Variants in NBEAL2 observed in about 807,000 individuals in gnomAD.
NBEAL2 encodes the protein neurobeachin-like protein 2.
Under a neutral mutation model 299.8 loss-of-function variants are expected in NBEAL2, and 160 were observed. The observed-to-expected ratio is 0.53, with a 90% CI of 0.47 to 0.61. The LOEUF (loss-of-function observed/expected upper bound fraction) is 0.61. NBEAL2 is among the 20% of genes least tolerant of loss of function. NBEAL2 has a pLI of 0.00. For synonymous variants in NBEAL2, 1,493 were observed against 1,542.3 expected, an observed-to-expected ratio of 0.97 and a Z score of 0.75; for missense variants, 3,112 against 3,649.0, an observed-to-expected ratio of 0.85 and a Z score of 3.79.
At chr3:46,994,649 T>G in intron 12 of NBEAL2, 96 bp downstream of exon 12, 1 of 1,064,926 alleles carries the variant, frequency 9.4e-7, no homozygotes, top group Admixed American at 2.1e-5. Context: ...GGGACCGTAT[T>G]GACTGCGGCC....
At position 47,006,071 on chromosome 3, in the gene NBEAL2, G is replaced by T; in HGVS notation, c.6919+8G>T. On this transcript the variant is annotated splice_region_variant and intron_variant, in intron 43 of 53. Transcript: ENST00000450053. ...ATTACTGCACCTATGAGGGTGGGCA[G>T]TGCGCTGGACTCCAGTCAGGGCCAG... 1.8e-5 allele frequency: 29 copies of T among 1,613,476 alleles called. No homozygotes were observed. Among genetic ancestry groups the T allele is most frequent in the Non-Finnish European group, 2.4e-5 (28 of 1,179,632 alleles).
rs781400910 is a variant in NBEAL2, at chr3:47,004,100, C to A, written c.5905C>A (p.Pro1969Thr). 3 of 1,612,946 alleles carry A rather than the reference C, an allele frequency of 1.9e-6. No homozygotes were observed. The East Asian group carries it at 6.7e-5, about 36-fold the overall frequency. ...EEGIGYDFRR[P>T]LAQLREVHLR... ...AGGCATCGGCTATGATTTCCGGCGC[C>A]CACTGGCCCAGCTGCGTGAGGTCCA... The change falls in exon 37 of 54, where the codon CCA (proline) becomes ACA (threonine). Residue 1969 changes from proline (P) to threonine (T), a missense_variant. Transcript: ENST00000450053. This position sits in a 1 kb window ranked among gnomAD's most constrained non-coding sequence, Gnocchi z 5.0.
In NBEAL2 at chr3:46,995,138, G is replaced by A. The variant is rs566591113; in HGVS notation, c.1403G>A (p.Arg468Gln). 9.6e-5 allele frequency: 151 copies of A among 1,575,610 alleles called. 1 individual carries two copies. In the Admixed American group the frequency reaches 1.2e-3, roughly 12 times the overall value. Residue 468 changes from arginine to glutamine, a missense_variant, in exon 13 of 54, where the codon CGG (arginine) becomes CAG (glutamine). By Grantham distance (43) the Arg-to-Gln change is conservative. Around this residue, in one of 3 missense-constraint regions of NBEAL2, gnomAD observed 2,243 missense variants for 2,538.1 expected, o/e 0.88. Coordinates refer to ENST00000450053, the MANE Select transcript of NBEAL2 (RefSeq NM_015175.3). Reference sequence around the variant, plus strand: ...CCGTCATTGCCCACCGCTGAGCTGCGGCTCTTCCTAGCGCAACGCCTCAGG... The same window carrying A: ...CCGTCATTGCCCACCGCTGAGCTGCAGCTCTTCCTAGCGCAACGCCTCAGG... The part of the protein sequence containing the change: ...WLPSLPTAEL[R>Q]LFLAQRLRWL...
intron 21 of NBEAL2, 75 bp downstream of exon 21, chr3:46,998,301 G>T: frequency 6.5e-7 from 1 of 1,547,864 alleles, no homozygotes; most frequent in Non-Finnish European, 8.8e-7. Context: ...CTGCTCTGGG[G>T]GATCTGAGGG....
rs918389336 is a variant in NBEAL2, at chr3:46,988,147, G to A, written c.52-522G>A. On this transcript the variant is annotated intron_variant, in intron 1 of 53. Coordinates refer to ENST00000450053, the MANE Select transcript of NBEAL2 (RefSeq NM_015175.3). This position sits in a 1 kb window ranked among gnomAD's most constrained non-coding sequence, Gnocchi z 4.4. ...CGCACATGAGGATGTGCGCATGTCT[G>A]GGTCTGCCTGTCTAATGGTACACGT... 9.6e-7 allele frequency: 1 copy of A among 1,042,694 alleles called. No individual in the cohort carries two copies. The highest frequency in any genetic ancestry group is 1.7e-5 in the African/African-American group (1 of 57,972). The allele number at this position is 1,042,694 out of a possible 1,614,324, so 64.6% of individuals were successfully genotyped here.
rs766130331 is a variant in NBEAL2 at position 47,009,203 on chromosome 3, C to A, written c.8164-16C>A. 1.3e-6 allele frequency: 2 copies of A among 1,583,040 alleles called. No homozygotes were observed. Among genetic ancestry groups the A allele is most frequent in the African/African-American group, 2.7e-5 (2 of 74,168 alleles). ...GGCGATCCCAGCTGATCCTACTCAA[C>A]CCTTACGCCCACCAGGTGCGCAGCA... On this transcript the variant is annotated splice_polypyrimidine_tract_variant and intron_variant, in intron 53 of 53. Transcript: ENST00000450053.
intron 21 of NBEAL2, 43 bp from the exon 22 acceptor site, chr3:46,998,420 A>G (rs1345006104): frequency 6.3e-7 from 1 of 1,576,086 alleles, no homozygotes; most frequent in South Asian, 1.1e-5. Context: ...TGAAGGGCCC[A>G]GCTCAGCCTA....
chr3:46,980,563 T>C (rs2035256850), intron 1 of NBEAL2, among the ~76,000 whole-genome samples: 2 of 152,084 alleles, frequency 1.3e-5, no homozygotes, highest in African/African-American at 2.4e-5. Context: ...GAAAAGGTTT[T>C]CCTCTGGATG....
chr3:46,987,632 C>G (rs1163691505), intron 1 of NBEAL2, among the ~76,000 whole-genome samples: 1 of 152,092 alleles, frequency 6.6e-6, no homozygotes, highest in Non-Finnish European at 1.5e-5. Flanking sequence ...TCTACATCGA[C>G]CCCTGTGGCC....
Position 46,995,549 on chromosome 3 carries a change from T to C in NBEAL2, c.1814T>C (p.Phe605Ser). The change falls in exon 13 of 54, where the codon TTT becomes TCT. Residue 605 changes from phenylalanine to serine, a missense_variant. Transcript: ENST00000450053. ...VQRWPGPGFT[F>S]HAWLCLHPMD... ...CGATGGCCAGGGCCTGGCTTCACCT[T>C]TCATGCCTGGCTCTGTCTGCACCCT... is the stretch of plus-strand genomic sequence containing the variant. 2 of 1,612,808 alleles carry C rather than the reference T, an allele frequency of 1.2e-6. No individual in the cohort carries two copies. Among genetic ancestry groups the C allele is most frequent in the Non-Finnish European group, 1.7e-6 (2 of 1,179,878 alleles).
At position 46,989,822 on chromosome 3, in the gene NBEAL2, T is replaced by G. The variant is rs2107299658; in HGVS notation, c.556+229T>G. ...GTGGGGTCAACCTGCCTACCCAGAT[T>G]TCTCATCCTCTTTCCCCGCCATCTC... is the stretch of plus-strand genomic sequence containing the variant. On this transcript the variant is annotated intron_variant, in intron 6 of 53. Coordinates refer to ENST00000450053, the MANE Select transcript of NBEAL2 (RefSeq NM_015175.3). The surrounding 1 kb of genome is among the most constrained non-coding windows in gnomAD (Gnocchi z 5.5). Among the ~76,000 whole-genome samples, 1 of 152,098 alleles carries G rather than the reference T, an allele frequency of 6.6e-6. No homozygotes were observed. Among genetic ancestry groups the G allele is most frequent in the East Asian group, 1.9e-4 (1 of 5,174 alleles).
intron 26 of NBEAL2, 69 bp from the exon 27 acceptor site, chr3:46,999,820 A>C: frequency 6.3e-7 from 1 of 1,597,600 alleles, no homozygotes; most frequent in Non-Finnish European, 8.6e-7. Context: ...CCTCCTCTGC[A>C]AAGGCCCTGG....
rs1206266552 is a variant in NBEAL2, at chr3:47,001,165, C to G, written c.4470C>G (p.Asp1490Glu). 6.2e-7 allele frequency: 1 copy of G among 1,612,184 alleles called. No homozygotes were observed. The highest frequency in any genetic ancestry group is 1.3e-5 in the African/African-American group (1 of 74,910). The change falls in exon 28 of 54, where the codon GAC becomes GAG. Residue 1490 changes from aspartate (D) to glutamate (E), a missense_variant. Coordinates refer to ENST00000450053, the MANE Select transcript of NBEAL2 (RefSeq NM_015175.3). The surrounding 1 kb of genome is among the most constrained non-coding windows in gnomAD (Gnocchi z 6.1). ...CAGCCACACTTGTGCGCCCACCAGACTGCATCAAGCGCAGGTGAGAGGGAA... is the reference window on the plus strand; with the variant it reads ...CAGCCACACTTGTGCGCCCACCAGAGTGCATCAAGCGCAGGTGAGAGGGAA... ...GASATLVRPP[D>E]CIKRSLLEMM...
Position 47,008,173 on chromosome 3 carries a change from T to A in NBEAL2, c.7706T>A (p.Val2569Glu). 4.3e-6 allele frequency: 7 copies of A among 1,613,964 alleles called. No homozygotes were observed. Among genetic ancestry groups the A allele is most frequent in the Non-Finnish European group, 5.9e-6 (7 of 1,179,854 alleles). ...ATCAGCACTGAACTTGACATGGCTGTGTCTGGATCTGAGGTGTGTGTATGC... is the reference window on the plus strand; with the variant it reads ...ATCAGCACTGAACTTGACATGGCTGAGTCTGGATCTGAGGTGTGTGTATGC... ...VAISTELDMA[V>E]SGSEDGTVII... The change falls in exon 50 of 54, where the codon GTG becomes GAG. Residue 2569 changes from valine to glutamate, a missense_variant. This residue lies in a region of NBEAL2 where 348 missense variants were observed against 381.4 expected (regional missense o/e 0.91). Coordinates refer to ENST00000450053, the MANE Select transcript of NBEAL2 (RefSeq NM_015175.3).
In NBEAL2 at chr3:46,999,980, T is replaced by C; in HGVS notation, c.3881T>C (p.Leu1294Pro). Residue 1294 changes from leucine (L) to proline (P), a missense_variant, in exon 27 of 54, where the codon CTG becomes CCG. By Grantham distance (98) the Leu-to-Pro change is moderately conservative (BLOSUM62 -3). Transcript: ENST00000450053. ...GATGTGCTGACCCGGCTATATGTCC[T>C]GGAGGCTGCCACAGCCGGCAGCCCC... Reference protein sequence around the residue: ...WQDVLTRLYVLEAATAGSPPP... With the variant: ...WQDVLTRLYVPEAATAGSPPP... 6.2e-7 allele frequency: 1 copy of C among 1,612,226 alleles called. No homozygotes were observed. The highest frequency in any genetic ancestry group is 8.5e-7 in the Non-Finnish European group (1 of 1,179,850).
chr3:47,005,876 G>A (rs1241549676), intron 42 of NBEAL2, 29 bp downstream of exon 42: 4 of 1,612,790 alleles, frequency 2.5e-6, no homozygotes, highest in Non-Finnish European at 2.5e-6. Context: ...GCAAACGGCA[G>A]GCAGCCGGGG....
chr3:46,998,962 G>A lies in NBEAL2; in HGVS notation c.3388G>A (p.Val1130Met), dbSNP rs923652092. 20 of 1,606,610 alleles carry A rather than the reference G, an allele frequency of 1.2e-5. No individual in the cohort carries two copies. In the African/African-American group the frequency reaches 2.5e-4, roughly 20 times the overall value. The part of the protein sequence containing the change: ...LAATGDDGQA[V>M]GALDLLLALL... The stretch of plus-strand genomic sequence containing the variant: ...GTGTGAGACCCTGCATCCCCAGGCG[G>A]TGGGTGCGCTGGACCTGCTGCTGGC... The change falls in exon 24 of 54, where the codon GTG (valine) becomes ATG (methionine). Residue 1130 changes from valine to methionine, a missense_variant. Coordinates refer to ENST00000450053, the MANE Select transcript of NBEAL2 (RefSeq NM_015175.3).
intron 18 of NBEAL2, 74 bp downstream of exon 18, chr3:46,997,120 G>A: frequency 6.4e-7 from 1 of 1,556,524 alleles, no homozygotes; most frequent in Non-Finnish European, 8.8e-7. Flanking sequence ...AGTCAGCTGG[G>A]GAGCAGCGCT....
Position 46,988,775 on chromosome 3 carries a change from C to G in NBEAL2, c.140+18C>G. Reference sequence around the variant, plus strand: ...CCACGAAGGTGAGGCTGGATCTGCACTGAGGGCAGGGACAGAGCAGGGAGA... The same window carrying G: ...CCACGAAGGTGAGGCTGGATCTGCAGTGAGGGCAGGGACAGAGCAGGGAGA... On this transcript the variant is annotated intron_variant, in intron 2 of 53. Coordinates refer to ENST00000450053, the MANE Select transcript of NBEAL2 (RefSeq NM_015175.3). This position sits in a 1 kb window ranked among gnomAD's most constrained non-coding sequence, Gnocchi z 4.4. 1 of 1,611,286 alleles carries G rather than the reference C, an allele frequency of 6.2e-7. No homozygotes were observed.
Sources: allele counts gnomAD v4.1 joint callset (sites outside exome capture counted in the v4.1 genomes callset), GRCh38; gene constraint gnomAD v4.1.1; regional missense constraint gnomAD v4.1.1; non-coding constraint Gnocchi (gnomAD v3.1); transcripts MANE v1.5; gene names NCBI Gene and HGNC (gene_info 2026-07-23, HGNC 2026-07-21).